The following ADAMTS3 variants were observed in gnomAD, a reference collection of about 807,000 sequenced individuals.
The protein encoded by ADAMTS3 is A disintegrin and metalloproteinase with thrombospondin motifs 3.
ADAMTS3 carries 73 observed loss-of-function variants against 129.0 expected under a neutral mutation model. That is an observed-to-expected ratio of 0.57 (90% confidence interval 0.47 to 0.69). ADAMTS3 has a LOEUF of 0.69. ADAMTS3 is among the 30% of genes least tolerant of loss of function. The pLI, the probability that ADAMTS3 is intolerant of heterozygous loss-of-function variation, is 0.00. For synonymous variants in ADAMTS3, 477 were observed against 510.8 expected, an observed-to-expected ratio of 0.93 and a Z score of 0.89; for missense variants, 1,457 against 1,514.5, an observed-to-expected ratio of 0.96 and a Z score of 0.63.
chr4:72,368,896 T>C (rs924685015), intron 4 of ADAMTS3, among the ~76,000 whole-genome samples: 42 of 152,204 alleles, frequency 2.8e-4, no homozygotes, highest in African/African-American at 9.2e-4. Context: ...TCCCCCCTTT[T>C]GCAGACTAAG....
At chr4:72,482,713 CT>C (rs1719471944) in intron 3 of ADAMTS3, among the ~76,000 whole-genome samples, 13 of 152,006 alleles carry the variant, frequency 8.6e-5, no homozygotes, top group Non-Finnish European at 1.5e-4. Flanking sequence ...GAATCTATAA[CT>C]ATCTCAAAAA....
chr4:72,325,378 C>T (rs1719672809), intron 5 of ADAMTS3, among the ~76,000 whole-genome samples: 1 of 152,086 alleles, frequency 6.6e-6, no homozygotes, highest in African/African-American at 2.4e-5. Flanking sequence ...GTTCTGGATT[C>T]ATTATCTGAT....
At position 72,318,668 on chromosome 4, in the gene ADAMTS3, A is replaced by C; in HGVS notation, c.1389T>G (p.His463Gln). The C allele has an allele frequency of 6.2e-7, 1 of 1,613,902 alleles. No homozygotes were observed. The highest frequency in any genetic ancestry group is 8.5e-7 in the Non-Finnish European group (1 of 1,179,870). Reference protein sequence around the residue: ...YDCLLDDPFDHDWPKLPELPG... With the variant: ...YDCLLDDPFDQDWPKLPELPG... ...GAAGTTCTGGGAGTTTAGGCCAATC[A>C]TGATCAAAAGGGTCATCAAGGAGAC... The change falls in exon 10 of 22, where the codon CAT becomes CAG. Residue 463 changes from histidine to glutamine, a missense_variant. Transcript: ENST00000286657.
chr4:72,285,693 C>T (rs569855381), intron 21 of ADAMTS3, among the ~76,000 whole-genome samples: 1 of 147,732 alleles, frequency 6.8e-6, no homozygotes, highest in South Asian at 2.1e-4. Context: ...GAGAGATATT[C>T]TGAGAAAAAT....
At chr4:72,491,036 T>C (rs983556021) in intron 3 of ADAMTS3, among the ~76,000 whole-genome samples, 2 of 151,902 alleles carry the variant, frequency 1.3e-5, no homozygotes, top group Non-Finnish European at 2.9e-5. Flanking sequence ...CTTTCACTTA[T>C]TTGGTTAAGT....
chr4:72,507,837 G>T (rs570225259), intron 3 of ADAMTS3, among the ~76,000 whole-genome samples: 1 of 152,212 alleles, frequency 6.6e-6, no homozygotes, highest in African/African-American at 2.4e-5. Context: ...CTAACTAAAG[G>T]TTTGAAATCT....
Position 72,311,006 on chromosome 4 carries a change from T to C in ADAMTS3, c.2055+42A>G, listed in dbSNP as rs558268865. 8 of 1,529,232 alleles carry C rather than the reference T, an allele frequency of 5.2e-6. No individual in the cohort carries two copies. In the South Asian group the frequency reaches 7.7e-5, roughly 15 times the overall value. 94.7% of individuals were successfully genotyped at this position (1,529,232 alleles called of 1,614,324 possible). On this transcript the variant is annotated intron_variant, in intron 14 of 21. Coordinates refer to ENST00000286657, the MANE Select transcript of ADAMTS3 (RefSeq NM_014243.3). ...ATGTGCAGATGAATGACAGTAAACG[T>C]AGATAACGTAGAAAGCCTTTGGGGA...
At chr4:72,382,128 T>C (rs1442407645) in intron 4 of ADAMTS3, among the ~76,000 whole-genome samples, 1 of 152,158 alleles carries the variant, frequency 6.6e-6, no homozygotes, top group Non-Finnish European at 1.5e-5. Flanking sequence ...TCTTAACTTG[T>C]CACGTAAGGA....
chr4:72,490,481 A>G (rs1040878502), intron 3 of ADAMTS3, among the ~76,000 whole-genome samples: 2 of 151,916 alleles, frequency 1.3e-5, no homozygotes, highest in African/African-American at 4.8e-5. Flanking sequence ...TGGCAATTTC[A>G]GGTCTTAAGA....
intron 4 of ADAMTS3, among the ~76,000 whole-genome samples, chr4:72,414,150 AT>A (rs922840366): frequency 4.2e-4 from 64 of 151,438 alleles, no homozygotes; most frequent in African/African-American, 1.3e-3. Flanking sequence ...AGATTCCTAA[AT>A]TTTTTTTTCT....
At chr4:72,371,947 G>C (rs1312978903) in intron 4 of ADAMTS3, among the ~76,000 whole-genome samples, 2 of 151,680 alleles carry the variant, frequency 1.3e-5, no homozygotes, top group South Asian at 4.2e-4. Flanking sequence ...CAACATGATG[G>C]AATTAACAAG....
chr4:72,544,860 A>G (rs573820636), intron 3 of ADAMTS3, among the ~76,000 whole-genome samples: 1 of 152,270 alleles, frequency 6.6e-6, no homozygotes, highest in South Asian at 2.1e-4. Context: ...GGTCTATCCA[A>G]AAAGAAATGT....
intron 3 of ADAMTS3, among the ~76,000 whole-genome samples, chr4:72,440,751 A>G (rs1212676527): frequency 2.0e-5 from 3 of 151,780 alleles, no homozygotes; most frequent in Non-Finnish European, 4.4e-5. Context: ...AAGAAAACTG[A>G]AATTTCTCCC....
Position 72,312,471 on chromosome 4 carries a change from A to C in ADAMTS3, c.1746-5T>G, listed in dbSNP as rs375213929. 8.0e-4 allele frequency: 1,287 copies of C among 1,612,844 alleles called. 5 individuals carry two copies. Among genetic ancestry groups the C allele is most frequent in the South Asian group, 2.4e-3 (215 of 91,036 alleles). ...TCCTGACCACCATTGATGGGCCTAA[A>C]GAAAAGACAACATTTAAAAAGGCCT... On this transcript the variant is annotated splice_region_variant and splice_polypyrimidine_tract_variant and intron_variant, in intron 12 of 21. Coordinates refer to ENST00000286657, the MANE Select transcript of ADAMTS3 (RefSeq NM_014243.3).
At chr4:72,423,993 A>G (rs1722512154) in intron 3 of ADAMTS3, among the ~76,000 whole-genome samples, 1 of 152,030 alleles carries the variant, frequency 6.6e-6, no homozygotes, top group Non-Finnish European at 1.5e-5. Flanking sequence ...TTTTATCTAT[A>G]TTTCTATGGC....
chr4:72,368,857 T>C (rs528860250), intron 4 of ADAMTS3, among the ~76,000 whole-genome samples: 89 of 152,340 alleles, frequency 5.8e-4, no homozygotes, highest in African/African-American at 1.9e-3. Context: ...ATATGAACTT[T>C]AGAACATCAC....
At position 72,381,672 on chromosome 4, in the gene ADAMTS3, A is replaced by G. The variant is rs547912580; in HGVS notation, c.661+33143T>C. Among the ~76,000 whole-genome samples the G allele has an allele frequency of 4.6e-5, 7 of 152,210 alleles. No individual in the cohort carries two copies. In the South Asian group the frequency reaches 1.0e-3, roughly 23 times the overall value. On this transcript the variant is annotated intron_variant, in intron 4 of 21. Coordinates refer to ENST00000286657, the MANE Select transcript of ADAMTS3 (RefSeq NM_014243.3). ...ATATACAGGAACCACCCAGAACTGGACTGCAAAAGTGTTATAGCCCCATTC... is the reference window on the plus strand; with the variant it reads ...ATATACAGGAACCACCCAGAACTGGGCTGCAAAAGTGTTATAGCCCCATTC...
At chr4:72,361,592 C>T (rs1463295866) in intron 4 of ADAMTS3, among the ~76,000 whole-genome samples, 6 of 152,070 alleles carry the variant, frequency 3.9e-5, no homozygotes, top group Admixed American at 2.6e-4. Context: ...AAAAATCCAA[C>T]GAATAGTTTG....
intron 3 of ADAMTS3, among the ~76,000 whole-genome samples, chr4:72,483,537 A>G (rs1011770708): frequency 6.6e-6 from 1 of 152,152 alleles, no homozygotes; most frequent in African/African-American, 2.4e-5. Context: ...TTCATTCTTC[A>G]TTTGTCCCCA....
Sources: gnomAD v4.1 joint callset for allele counts (sites outside exome capture counted in the v4.1 genomes callset) on GRCh38, gnomAD v4.1.1 for gene constraint, MANE v1.5 for transcripts, NCBI Gene and HGNC (gene_info 2026-07-23, HGNC 2026-07-21) for gene names.